CDCA8: variants seen among roughly 807,000 people sequenced by gnomAD.
The protein encoded by CDCA8 is borealin.
A neutral mutation model predicts 40.0 loss-of-function variants in CDCA8; 25 were observed. The ratio of observed to expected loss-of-function variants is 0.63; its 90% CI spans 0.46 to 0.87. The LOEUF is 0.87. Ranked by LOEUF, CDCA8 falls within the 40% of genes least tolerant of loss-of-function variation. The pLI is 0.00. For missense variants in CDCA8, 280 were observed against 348.4 expected, an observed-to-expected ratio of 0.80 and a Z score of 1.56; for synonymous variants, 111 against 126.5, an observed-to-expected ratio of 0.88 and a Z score of 0.82.
rs549474012 is a variant in CDCA8, at chr1:37,705,752, G to A, written c.711+185G>A. On this transcript the variant is annotated intron_variant, in intron 8 of 9. Transcript: ENST00000373055. ...GTTAGAGGCCCAGACTGCAAAGATCGTTGCTCAGCTCTGGGTTCTGTTTTT... is the reference window on the plus strand; with the variant it reads ...GTTAGAGGCCCAGACTGCAAAGATCATTGCTCAGCTCTGGGTTCTGTTTTT... 1.1e-4 allele frequency among the ~76,000 whole-genome samples: 16 copies of A among 151,302 alleles called. No homozygotes were observed. The South Asian group carries it at 2.1e-3, about 20-fold the overall frequency.
Position 37,692,940 on chromosome 1 carries a change from C to T in CDCA8, c.130C>T (p.Gln44Ter). 6.2e-7 allele frequency: 1 copy of T among 1,614,092 alleles called. No homozygotes were observed. The highest frequency in any genetic ancestry group is 8.5e-7 in the Non-Finnish European group (1 of 1,180,014). Reference protein sequence around the residue: ...IRIKQIESDRQNLLKEVDNLY... With the variant: ...IRIKQIESDR ...AATCAAGCAAATTGAGTCAGACAGG[C>T]AGAACCTCCTCAAGGAGGTGGATAA... The change falls in exon 2 of 10, where the codon CAG becomes TAG. Residue 44 changes from glutamine (Q) to a stop codon, truncating the protein, a stop_gained. Transcript: ENST00000373055. LOFTEE classifies it high-confidence loss of function.
At chr1:37,705,304 C>G in intron 7 of CDCA8, 137 bp from the exon 8 acceptor site, 1 of 670,330 alleles carries the variant, frequency 1.5e-6, no homozygotes, top group South Asian at 2.4e-5. Flanking sequence ...TTTTTTTTTT[C>G]TAAATTTAGA....
At chr1:37,708,044 C>T (rs1344390582) in intron 9 of CDCA8, among the ~76,000 whole-genome samples, 4 of 152,098 alleles carry the variant, frequency 2.6e-5, no homozygotes, top group Admixed American at 2.0e-4. Context: ...GAACATAGGC[C>T]CAGTGCTGAG....
chr1:37,692,865 C>T, intron 1 of CDCA8, 40 bp from the exon 2 acceptor site: 1 of 1,613,244 alleles, frequency 6.2e-7, no homozygotes, highest in African/African-American at 1.3e-5. Flanking sequence ...CAGATTCGCC[C>T]GCCCGTGACC....
At position 37,701,765 on chromosome 1, in the gene CDCA8, T is replaced by C; in HGVS notation, c.435T>C (p.Cys145=). 1 of 1,612,498 alleles carries C rather than the reference T, an allele frequency of 6.2e-7. No individual in the cohort carries two copies. Among genetic ancestry groups the C allele is most frequent in the Non-Finnish European group, 8.5e-7 (1 of 1,179,026 alleles). Residue 145 remains cysteine, a synonymous_variant, in exon 6 of 10, where the codon TGT becomes TGC. Coordinates refer to ENST00000373055, the MANE Select transcript of CDCA8 (RefSeq NM_001256875.2). ...KNLQTARVKR[C]PPSKKRTQSI... is the part of the protein sequence containing the mutation. The stretch of plus-strand genomic sequence containing the variant: ...GATTGTGACTGCAGGTCAAAAGGTG[T>C]CCTCCATCCAAGAAGAGAACTCAGT...
chr1:37,705,676 G>T, intron 8 of CDCA8, 109 bp downstream of exon 8: 1 of 1,294,512 alleles, frequency 7.7e-7, no homozygotes. Flanking sequence ...CAGTGCGTGG[G>T]TCCTGATCTC....
At chr1:37,695,802 TTG>T in intron 2 of CDCA8, 106 bp from the exon 3 acceptor site, 1 of 892,882 alleles carries the variant, frequency 1.1e-6, no homozygotes, top group Non-Finnish European at 1.8e-6. Context: ...GTGAAGGTCC[TTG>T]AAGGTTAGAC....
rs1241207855 is a variant in CDCA8, at chr1:37,701,737, T to C, written c.424-17T>C. On this transcript the variant is annotated splice_polypyrimidine_tract_variant and intron_variant, in intron 5 of 9. Transcript: ENST00000373055. ...TGGGTTTTTTGTAACCTTAGTCTCA[T>C]TTGATTGTGACTGCAGGTCAAAAGG... The C allele has an allele frequency of 1.3e-6, 2 of 1,597,154 alleles. No individual in the cohort carries two copies. The highest frequency in any genetic ancestry group is 1.3e-5 in the African/African-American group (1 of 74,352).
intron 7 of CDCA8, 75 bp from the exon 8 acceptor site, chr1:37,705,366 T>G: frequency 7.1e-7 from 1 of 1,408,060 alleles, no homozygotes; most frequent in Admixed American, 1.9e-5. Context: ...GAGGCCAGAG[T>G]AAGGTTAAAA....
At chr1:37,693,084 AG>A (rs1645484919) in intron 2 of CDCA8, 51 bp downstream of exon 2, 1 of 1,568,096 alleles carries the variant, frequency 6.4e-7, no homozygotes, top group African/African-American at 1.4e-5. Context: ...CCTTGGGGTT[AG>A]GTGACACCCT....
chr1:37,706,920 C>A, intron 8 of CDCA8, 58 bp from the exon 9 acceptor site: 1 of 1,388,168 alleles, frequency 7.2e-7, no homozygotes, highest in Non-Finnish European at 1.0e-6. Flanking sequence ...TCAGGGGAAC[C>A]TAGGGGTTCC....
At chr1:37,705,968 C>T (rs1645597090) in intron 8 of CDCA8, among the ~76,000 whole-genome samples, 1 of 151,370 alleles carries the variant, frequency 6.6e-6, no homozygotes, top group African/African-American at 2.4e-5. Context: ...CGCCATCATG[C>T]CCAGCTAACT....
chr1:37,701,565 G>A (rs563453552), intron 5 of CDCA8, among the ~76,000 whole-genome samples, 189 bp from the exon 6 acceptor site: 1 of 151,964 alleles, frequency 6.6e-6, no homozygotes, highest in Admixed American at 6.6e-5. Context: ...CCCAGCCAGT[G>A]GAAGTCCTTA....
chr1:37,694,000 C>T (rs1570275538), intron 2 of CDCA8, among the ~76,000 whole-genome samples: 1 of 152,112 alleles, frequency 6.6e-6, no homozygotes, highest in African/African-American at 2.4e-5. Flanking sequence ...GTTAGCCGGG[C>T]GTGGTGGCGC....
In CDCA8 at chr1:37,692,982, A is replaced by G. The variant is rs1645482710; in HGVS notation, c.172A>G (p.Ile58Val). Residue 58 changes from isoleucine to valine, a missense_variant, in exon 2 of 10, where the codon ATC becomes GTC. By Grantham distance (29) the Ile-to-Val change is conservative (BLOSUM62 3). Coordinates refer to ENST00000373055, the MANE Select transcript of CDCA8 (RefSeq NM_001256875.2). Reference sequence around the variant, plus strand: ...GGTGGATAACCTCTACAACATCGAGATCCTGCGGCTCCCCAAGGCTCTGCG... The same window carrying G: ...GGTGGATAACCTCTACAACATCGAGGTCCTGCGGCTCCCCAAGGCTCTGCG... ...KEVDNLYNIE[I>V]LRLPKALREM... 1 of 1,613,912 alleles carries G rather than the reference A, an allele frequency of 6.2e-7. No individual in the cohort carries two copies. The highest frequency in any genetic ancestry group is 1.3e-5 in the African/African-American group (1 of 74,894).
chr1:37,696,059 T>C lies in CDCA8; in HGVS notation c.264+109T>C, dbSNP rs974217902. 61 of 926,378 alleles carry C rather than the reference T, an allele frequency of 6.6e-5. 1 individual carries two copies. Among genetic ancestry groups the C allele is most frequent in the Non-Finnish European group, 9.6e-5 (56 of 585,112 alleles). 57.4% of individuals were successfully genotyped at this position (926,378 alleles called of 1,614,324 possible). A position where few individuals can be genotyped will look rare whatever the true frequency, so the allele number is the denominator to read the frequency against. On this transcript the variant is annotated intron_variant, in intron 3 of 9. Coordinates refer to ENST00000373055, the MANE Select transcript of CDCA8 (RefSeq NM_001256875.2). The surrounding 1 kb of genome is among the most constrained non-coding windows in gnomAD (Gnocchi z 5.0). ...GAAGAGGTTTCATAAAGGGACATCA[T>C]CTGTTTGTGTCAACTGAAAAATTAG... is the stretch of plus-strand genomic sequence containing the variant.
chr1:37,707,182 T>C, intron 9 of CDCA8, 118 bp downstream of exon 9: 1 of 704,496 alleles, frequency 1.4e-6, no homozygotes, highest in South Asian at 1.8e-5. Context: ...TTGTGTTGTC[T>C]TCCTTCCCCC....
At chr1:37,697,846 A>G (rs1010823498) in intron 3 of CDCA8, among the ~76,000 whole-genome samples, 11 of 152,164 alleles carry the variant, frequency 7.2e-5, no homozygotes, top group African/African-American at 2.7e-4. Flanking sequence ...TTACAGCCCT[A>G]TTTCTTGCTA....
At position 37,707,065 on chromosome 1, in the gene CDCA8, G is replaced by A. The variant is rs754554691; in HGVS notation, c.798+1G>A. Reference sequence around the variant, plus strand: ...CTTGGGAAACATTAAGAAGCTCTCCGTAAGTCTCATATTCATCTCCACACA... The same window carrying A: ...CTTGGGAAACATTAAGAAGCTCTCCATAAGTCTCATATTCATCTCCACACA... On this transcript the variant is annotated splice_donor_variant, in intron 9 of 9. Transcript: ENST00000373055. LOFTEE classifies it high-confidence loss of function. The A allele has an allele frequency of 4.3e-6, 7 of 1,611,596 alleles. No homozygotes were observed. The highest frequency in any genetic ancestry group is 1.7e-5 in the Admixed American group (1 of 60,014).
Sources: allele counts gnomAD v4.1 joint callset (sites outside exome capture counted in the v4.1 genomes callset), GRCh38; gene constraint gnomAD v4.1.1; non-coding constraint Gnocchi (gnomAD v3.1); transcripts MANE v1.5; gene names NCBI Gene and HGNC (gene_info 2026-07-23, HGNC 2026-07-21).